Variants in ISM1 observed in about 807,000 individuals in gnomAD.
ISM1 encodes isthmin 1.
Under a neutral mutation model 46.3 loss-of-function variants are expected in ISM1, and 25 were observed. That is an observed-to-expected ratio of 0.54 (90% CI 0.39 to 0.75). The LOEUF is 0.75. Ranked by LOEUF, ISM1 falls within the 30% of genes least tolerant of loss-of-function variation. ISM1 has a pLI of 0.00. For synonymous variants in ISM1, 255 were observed against 256.7 expected, an observed-to-expected ratio of 0.99 and a Z score of 0.06; for missense variants, 536 against 625.4, an observed-to-expected ratio of 0.86 and a Z score of 1.52.
chr20:13,221,709 C>G lies in ISM1; in HGVS notation c.-68C>G. ...CCGGGCTCCCGGGCTCCTACTCCTC[C>G]TCCCCCGGCGTCACCGCCGCCGCCG... is the stretch of plus-strand genomic sequence containing the variant. On this transcript the variant is annotated 5_prime_UTR_variant, in exon 1 of 6. Coordinates refer to ENST00000262487, the MANE Select transcript of ISM1 (RefSeq NM_080826.2). 3.9e-6 allele frequency: 5 copies of G among 1,287,954 alleles called. No homozygotes were observed. Among genetic ancestry groups the G allele is most frequent in the African/African-American group, 1.6e-5 (1 of 64,194 alleles). The allele number at this position is 1,287,954 out of a possible 1,614,324, so 79.8% of individuals were successfully genotyped here. A position where few individuals can be genotyped will look rare whatever the true frequency, so the allele number is the denominator to read the frequency against.
rs563204844 is a variant in ISM1 at position 13,227,572 on chromosome 20, G to A, written c.138+5658G>A. Among the ~76,000 whole-genome samples the A allele has an allele frequency of 7.5e-5, 10 of 133,750 alleles. No homozygotes were observed. In the South Asian group the frequency reaches 1.2e-3, roughly 16 times the overall value. The allele number at this position is 133,750 out of a possible 152,430, so 87.7% of individuals were successfully genotyped here. On this transcript the variant is annotated intron_variant, in intron 1 of 5. Coordinates refer to ENST00000262487, the MANE Select transcript of ISM1 (RefSeq NM_080826.2). ...CACCCAGGCTGGAGTGCAGTGGCGC[G>A]ATCTTGGCTCACTTCAAACTCTGCC...
the ISM1 span, among the ~76,000 whole-genome samples, chr20:13,313,571 C>T: frequency 6.6e-6 from 1 of 152,160 alleles, no homozygotes; most frequent in African/African-American, 2.4e-5. Context: ...TATTCGGGCT[C>T]GGGAGACTGC....
At chr20:13,243,705 A>G (rs984096349) in intron 1 of ISM1, among the ~76,000 whole-genome samples, 1 of 152,204 alleles carries the variant, frequency 6.6e-6, no homozygotes, top group African/African-American at 2.4e-5. Context: ...GAAATTAAGC[A>G]TGCCCAATAT....
At chr20:13,272,246 C>T (rs776339843) in intron 2 of ISM1, among the ~76,000 whole-genome samples, 1 of 152,216 alleles carries the variant, frequency 6.6e-6, no homozygotes, top group African/African-American at 2.4e-5. Flanking sequence ...CACAGACTAA[C>T]ACCCTCTGCA....
At chr20:13,314,958 T>C in the ISM1 span, among the ~76,000 whole-genome samples, 1 of 152,070 alleles carries the variant, frequency 6.6e-6, no homozygotes, top group Non-Finnish European at 1.5e-5. Context: ...ACAGTGTTAT[T>C]TGAAAGTGGA....
In ISM1 at chr20:13,300,449, T is replaced by C. The variant is rs567206224; in HGVS notation, c.*990T>C. ...GGTCAATCTGGGGAATCTTAGTTTT[T>C]TATGTTTTAAGAAAACAAAAAAAAC... is the stretch of plus-strand genomic sequence containing the variant. On this transcript the variant is annotated 3_prime_UTR_variant, in exon 6 of 6. Coordinates refer to ENST00000262487, the MANE Select transcript of ISM1 (RefSeq NM_080826.2). The C allele has an allele frequency of 1.3e-5, 2 of 152,158 alleles. No homozygotes were observed. The highest frequency in any genetic ancestry group is 2.9e-5 in the Non-Finnish European group (2 of 68,030). The allele number at this position is 152,158 out of a possible 1,614,324, so 9.4% of individuals were successfully genotyped here. A position where few individuals can be genotyped will look rare whatever the true frequency, so the allele number is the denominator to read the frequency against.
intron 2 of ISM1, among the ~76,000 whole-genome samples, chr20:13,277,657 T>A (rs1392422100): frequency 2.1e-5 from 3 of 142,622 alleles, no homozygotes; most frequent in Non-Finnish European, 4.6e-5. Context: ...TTTTTTTTTT[T>A]ACTTTTGGGA....
chr20:13,299,072 C>A lies in ISM1; in HGVS notation c.1008C>A (p.Asp336Glu). 3 of 1,613,848 alleles carry A rather than the reference C, an allele frequency of 1.9e-6. No homozygotes were observed. Among genetic ancestry groups the A allele is most frequent in the Non-Finnish European group, 2.5e-6 (3 of 1,179,850 alleles). ...YPTEVAYSTADIFDRIKRKDF... is the reference protein window; with the variant it reads ...YPTEVAYSTAEIFDRIKRKDF... ...CTGAGGTGGCCTACAGCACGGCCGACATCTTCGACCGCATCAAGCGCAAGG... is the reference window on the plus strand; with the variant it reads ...CTGAGGTGGCCTACAGCACGGCCGAAATCTTCGACCGCATCAAGCGCAAGG... Residue 336 changes from aspartate to glutamate, a missense_variant, in exon 6 of 6, where the codon GAC (aspartate) becomes GAA (glutamate). By Grantham distance (45) the Asp-to-Glu change is conservative. This residue lies in a region of ISM1 where 169 missense variants were observed against 249.3 expected (regional missense o/e 0.68). Transcript: ENST00000262487. This position sits in a 1 kb window ranked among gnomAD's most constrained non-coding sequence, Gnocchi z 5.8.
intron 3 of ISM1, among the ~76,000 whole-genome samples, chr20:13,286,206 G>A (rs921439875): frequency 4.6e-5 from 7 of 152,092 alleles, no homozygotes; most frequent in Admixed American, 6.5e-5. Context: ...GCTCATGTGC[G>A]TATGACCCGC....
chr20:13,265,383 G>T (rs1022001779), intron 1 of ISM1, among the ~76,000 whole-genome samples: 2 of 152,140 alleles, frequency 1.3e-5, no homozygotes, highest in Admixed American at 6.5e-5. Flanking sequence ...AGGTTTTCTG[G>T]ATTTCTCTCC....
intron 1 of ISM1, among the ~76,000 whole-genome samples, chr20:13,248,846 G>A (rs1027824275): frequency 4.6e-5 from 7 of 152,204 alleles, no homozygotes; most frequent in African/African-American, 1.2e-4. Context: ...CTGCAAAACC[G>A]AGCACTGGCT....
chr20:13,244,555 A>G (rs1276118744), intron 1 of ISM1, among the ~76,000 whole-genome samples: 1 of 152,216 alleles, frequency 6.6e-6, no homozygotes, highest in Non-Finnish European at 1.5e-5. Context: ...AACACATTGC[A>G]TATAAAAACA....
At chr20:13,253,877 A>G (rs565732639) in intron 1 of ISM1, among the ~76,000 whole-genome samples, 140 of 98,944 alleles carry the variant, frequency 1.4e-3, no homozygotes, top group East Asian at 0.014. Context: ...ATATATATAT[A>G]TGTGTGTGTG....
chr20:13,260,826 A>T (rs2039981036), intron 1 of ISM1, among the ~76,000 whole-genome samples: 1 of 152,086 alleles, frequency 6.6e-6, no homozygotes. Context: ...ACCCGCAAGG[A>T]TTTATTATTT....
At chr20:13,314,607 G>A in the ISM1 span, among the ~76,000 whole-genome samples, 2 of 152,052 alleles carry the variant, frequency 1.3e-5, no homozygotes, top group African/African-American at 4.8e-5. Flanking sequence ...CAGTAGAAGT[G>A]CCTTGCAAGA....
chr20:13,261,664 T>A (rs765743034), intron 1 of ISM1, among the ~76,000 whole-genome samples: 21 of 152,188 alleles, frequency 1.4e-4, no homozygotes, highest in Non-Finnish European at 2.8e-4. Flanking sequence ...TTTTCAGGAT[T>A]CCAAGGTTAA....
chr20:13,311,221 G>GATAT, the ISM1 span, among the ~76,000 whole-genome samples: 4 of 107,466 alleles, frequency 3.7e-5, no homozygotes, highest in South Asian at 1.2e-3. Context: ...ATAGATGATA[G>GATAT]ATAGATAGAT....
chr20:13,236,065 C>G (rs190305168), intron 1 of ISM1, among the ~76,000 whole-genome samples: 3 of 152,168 alleles, frequency 2.0e-5, no homozygotes, highest in Admixed American at 2.0e-4. Flanking sequence ...GCTGGGATTA[C>G]AGGCACCCAC....
At chr20:13,229,279 A>G (rs2039563012) in intron 1 of ISM1, among the ~76,000 whole-genome samples, 1 of 152,212 alleles carries the variant, frequency 6.6e-6, no homozygotes, top group East Asian at 1.9e-4. Flanking sequence ...AAATTAGGAT[A>G]TAGAACATTC....
Sources: allele counts gnomAD v4.1 joint callset (sites outside exome capture counted in the v4.1 genomes callset), GRCh38; gene constraint gnomAD v4.1.1; regional missense constraint gnomAD v4.1.1; non-coding constraint Gnocchi (gnomAD v3.1); transcripts MANE v1.5; gene names NCBI Gene and HGNC (gene_info 2026-07-23, HGNC 2026-07-21).